The following CCSER1 variants were observed in gnomAD, a reference collection of about 807,000 sequenced individuals.
The protein encoded by CCSER1 is coiled-coil serine rich protein 1, also known as serine-rich coiled-coil domain-containing protein 1.
A neutral mutation model predicts 82.0 loss-of-function variants in CCSER1; 41 were observed. That is an observed-to-expected ratio of 0.50 (90% CI 0.39 to 0.65). CCSER1 has a LOEUF of 0.65. CCSER1 is among the 30% of genes least tolerant of loss of function. CCSER1 has a pLI of 0.00. For synonymous variants in CCSER1, 414 were observed against 383.9 expected, an observed-to-expected ratio of 1.08 and a Z score of -0.92; for missense variants, 1,119 against 1,064.2, an observed-to-expected ratio of 1.05 and a Z score of -0.72.
chr4:91,308,861 A>C (rs943407195), intron 10 of CCSER1, among the ~76,000 whole-genome samples: 1 of 152,040 alleles, frequency 6.6e-6, no homozygotes, highest in Non-Finnish European at 1.5e-5. Context: ...ATAAATGTAT[A>C]AAACATAATT....
chr4:91,355,791 T>C (rs1748787214), intron 10 of CCSER1, among the ~76,000 whole-genome samples: 1 of 152,080 alleles, frequency 6.6e-6, no homozygotes, highest in Admixed American at 6.5e-5. Flanking sequence ...CACGTACAGC[T>C]CCCAGTCTAC....
intron 10 of CCSER1, among the ~76,000 whole-genome samples, chr4:91,407,243 A>G (rs1046091473): frequency 6.6e-6 from 1 of 152,214 alleles, no homozygotes; most frequent in Non-Finnish European, 1.5e-5. Flanking sequence ...CAAATCATTA[A>G]AGCTCTCAAA....
chr4:91,468,967 T>G (rs1248666653), intron 10 of CCSER1, among the ~76,000 whole-genome samples: 4 of 152,152 alleles, frequency 2.6e-5, no homozygotes, highest in Non-Finnish European at 5.9e-5. Context: ...AATTATCCAA[T>G]TTCAGAAGCT....
chr4:91,548,126 C>A (rs975942916), intron 10 of CCSER1, among the ~76,000 whole-genome samples: 3 of 152,082 alleles, frequency 2.0e-5, no homozygotes, highest in Non-Finnish European at 2.9e-5. Flanking sequence ...GCACTATTTT[C>A]TCTCCTTTCT....
intron 9 of CCSER1, among the ~76,000 whole-genome samples, chr4:91,037,593 C>G (rs1741563036): frequency 1.3e-5 from 2 of 151,492 alleles, no homozygotes; most frequent in South Asian, 4.2e-4. Flanking sequence ...TCCTTCTTCT[C>G]TCTCCTTCCT....
rs1000518814 is a variant in CCSER1, at chr4:90,691,988, A to G, written c.1933-31926A>G. 8.7e-5 allele frequency among the ~76,000 whole-genome samples: 13 copies of G among 150,084 alleles called. No homozygotes were observed. In the East Asian group the frequency reaches 2.6e-3, roughly 29 times the overall value. Reference sequence around the variant, plus strand: ...ACACACCAAAAAATAACTAAATTAAATTTTTTAAAATTTTGCAATTAAATA... The same window carrying G: ...ACACACCAAAAAATAACTAAATTAAGTTTTTTAAAATTTTGCAATTAAATA... On this transcript the variant is annotated intron_variant, in intron 6 of 10. Coordinates refer to ENST00000509176, the MANE Select transcript of CCSER1 (RefSeq NM_001145065.2).
chr4:90,935,168 C>T (rs1176903312), intron 9 of CCSER1, among the ~76,000 whole-genome samples: 1 of 151,986 alleles, frequency 6.6e-6, no homozygotes, highest in East Asian at 1.9e-4. Context: ...GCCTCCAACT[C>T]TCATGCTGAA....
At chr4:90,749,768 T>G (rs1748248348) in intron 7 of CCSER1, among the ~76,000 whole-genome samples, 2 of 152,016 alleles carry the variant, frequency 1.3e-5, no homozygotes, top group South Asian at 4.2e-4. Flanking sequence ...GCATGTGTCT[T>G]TATAGCAGCA....
intron 10 of CCSER1, among the ~76,000 whole-genome samples, chr4:91,425,785 A>G (rs781716233): frequency 6.6e-6 from 1 of 152,188 alleles, no homozygotes; most frequent in Admixed American, 6.5e-5. Flanking sequence ...TGCAAGATCA[A>G]TACGTTCTAA....
intron 10 of CCSER1, among the ~76,000 whole-genome samples, chr4:91,408,394 A>G (rs1445458873): frequency 6.6e-6 from 1 of 152,220 alleles, no homozygotes. Context: ...GCAAGATTAA[A>G]TTGTTATCCA....
chr4:90,521,346 C>T lies in CCSER1; in HGVS notation c.1724+52992C>T, dbSNP rs561302190. 1.3e-4 allele frequency among the ~76,000 whole-genome samples: 20 copies of T among 152,148 alleles called. No homozygotes were observed. In the South Asian group the frequency reaches 3.5e-3, roughly 27 times the overall value. On this transcript the variant is annotated intron_variant, in intron 5 of 10. Transcript: ENST00000509176. Reference sequence around the variant, plus strand: ...TGGTTATGACAGTGCATTTGTTTGTCGGAAAGGGTAGGTAGAGTAAGCATT... The same window carrying T: ...TGGTTATGACAGTGCATTTGTTTGTTGGAAAGGGTAGGTAGAGTAAGCATT...
intron 8 of CCSER1, among the ~76,000 whole-genome samples, chr4:90,820,267 C>A (rs1479435308): frequency 2.0e-5 from 3 of 152,098 alleles, no homozygotes. Context: ...TCAAATAATA[C>A]CACTGTATGT....
intron 8 of CCSER1, among the ~76,000 whole-genome samples, chr4:90,887,999 G>A (rs951160420): frequency 3.3e-5 from 5 of 152,136 alleles, no homozygotes; most frequent in Admixed American, 6.5e-5. Context: ...TGGGTGCAAC[G>A]GAGAAAAAGT....
At chr4:90,816,374 G>A (rs555875058) in intron 8 of CCSER1, among the ~76,000 whole-genome samples, 25 of 152,170 alleles carry the variant, frequency 1.6e-4, no homozygotes, top group East Asian at 7.7e-4. Context: ...AGGTTTTAGA[G>A]TATGGTTTTT....
chr4:90,342,730 A>G (rs13141689), intron 3 of CCSER1, among the ~76,000 whole-genome samples: 186 of 152,228 alleles, frequency 1.2e-3, no homozygotes, highest in Non-Finnish European at 2.3e-3. Context: ...GAAGTTTTCC[A>G]TACTCCAGGA....
intron 10 of CCSER1, among the ~76,000 whole-genome samples, chr4:91,497,045 T>C (rs901314151): frequency 2.0e-5 from 3 of 150,606 alleles, no homozygotes; most frequent in African/African-American, 7.3e-5. Flanking sequence ...ACTTGATCTC[T>C]CCACAGATGG....
intron 7 of CCSER1, among the ~76,000 whole-genome samples, chr4:90,782,608 ATTGT>A (rs1335769578): frequency 1.3e-5 from 2 of 151,184 alleles, no homozygotes; most frequent in African/African-American, 4.9e-5. Flanking sequence ...GAAAAAGGGG[ATTGT>A]TTGTCAGCTG....
At chr4:91,365,039 G>C (rs1040377985) in intron 10 of CCSER1, among the ~76,000 whole-genome samples, 1 of 152,128 alleles carries the variant, frequency 6.6e-6, no homozygotes, top group Non-Finnish European at 1.5e-5. Context: ...TTTAGGAAAA[G>C]TATTAAATAG....
intron 10 of CCSER1, among the ~76,000 whole-genome samples, chr4:91,590,505 C>T (rs918624361): frequency 6.6e-6 from 1 of 152,068 alleles, no homozygotes; most frequent in African/African-American, 2.4e-5. Context: ...AGCAATGGTG[C>T]CAAAACCTTT....
Sources: allele counts gnomAD v4.1 joint callset (sites outside exome capture counted in the v4.1 genomes callset), GRCh38; gene constraint gnomAD v4.1.1; transcripts MANE v1.5; gene names NCBI Gene and HGNC (gene_info 2026-07-23, HGNC 2026-07-21).